The following SMYD4 variants were observed in gnomAD, a reference collection of about 807,000 sequenced individuals.
The protein encoded by SMYD4 is protein-lysine N-methyltransferase SMYD4.
SMYD4 carries 68 observed loss-of-function variants against 72.8 expected under a neutral mutation model. The ratio of observed to expected loss-of-function variants is 0.93; its 90% confidence interval spans 0.77 to 1.14. SMYD4 has a LOEUF of 1.14. Among genes scored for constraint, SMYD4 ranks in the 50% most tolerant of loss-of-function variants. SMYD4 has a pLI of 0.00. For missense variants in SMYD4, 984 were observed against 1,003.7 expected (o/e 0.98, Z 0.27); for synonymous variants, 407 against 388.6 (o/e 1.05, Z -0.56).
intron 5 of SMYD4, among the ~76,000 whole-genome samples, chr17:1,798,479 CGG>C (rs1196098193): frequency 2.6e-5 from 4 of 151,896 alleles, no homozygotes; most frequent in Middle Eastern, 3.4e-3. Flanking sequence ...CAAAAAAATT[CGG>C]GTTGAGTGCA....
intron 1 of SMYD4, chr17:1,829,420 G>A (rs965883219): frequency 6.6e-6 from 1 of 152,380 alleles, no homozygotes; most frequent in East Asian, 1.9e-4. Context: ...CCTCCTCCGG[G>A]ACGGCGTCCC....
chr17:1,803,579 A>C (rs941566053), intron 4 of SMYD4, among the ~76,000 whole-genome samples: 2 of 151,990 alleles, frequency 1.3e-5, no homozygotes, highest in African/African-American at 4.8e-5. Context: ...GACTCACTGC[A>C]ACATCTGCCT....
chr17:1,827,318 G>C (rs989733181), intron 2 of SMYD4, among the ~76,000 whole-genome samples: 1 of 149,404 alleles, frequency 6.7e-6, no homozygotes, highest in Non-Finnish European at 1.5e-5. Flanking sequence ...TAGCCTGGGT[G>C]ACAGAGCGAG....
rs1597367171 is a variant in SMYD4, at chr17:1,786,666, T to C, written c.1884+144A>G. On this transcript the variant is annotated intron_variant, in intron 7 of 10. Transcript: ENST00000305513. ...TGGTTTCTCTGGAGGGGAACTAGTG[T>C]ATGGGGATGACTGGCTAAAATGGAG... 4.1e-5 allele frequency: 36 copies of C among 879,776 alleles called. No homozygotes were observed. The East Asian group carries it at 9.3e-4, about 23-fold the overall frequency. 54.5% of individuals were successfully genotyped at this position (879,776 alleles called of 1,614,324 possible).
chr17:1,807,611 C>A (rs999091076), intron 3 of SMYD4, among the ~76,000 whole-genome samples: 1 of 151,550 alleles, frequency 6.6e-6, no homozygotes, highest in African/African-American at 2.4e-5. Context: ...GATCCACCTG[C>A]CTCAGCCTCC....
intron 1 of SMYD4, among the ~76,000 whole-genome samples, chr17:1,828,792 T>A (rs948204625): frequency 8.6e-5 from 13 of 152,046 alleles, no homozygotes; most frequent in African/African-American, 2.9e-4. Flanking sequence ...AGACGGGGTT[T>A]CACCATGTTG....
chr17:1,821,481 TCCA>T, intron 2 of SMYD4, among the ~76,000 whole-genome samples: 1 of 152,168 alleles, frequency 6.6e-6, no homozygotes, highest in African/African-American at 2.4e-5. Flanking sequence ...ACTATTGCAC[TCCA>T]GGCTGGGTGA....
intron 3 of SMYD4, 93 bp downstream of exon 3, chr17:1,811,875 TGAG>T (rs759384731): frequency 1.5e-6 from 2 of 1,346,440 alleles, no homozygotes; most frequent in Non-Finnish European, 2.0e-6. Context: ...TGCAGTGAGC[TGAG>T]ATTATACCAC....
At chr17:1,794,377 C>T (rs1247427593) in intron 5 of SMYD4, among the ~76,000 whole-genome samples, 1 of 150,962 alleles carries the variant, frequency 6.6e-6, no homozygotes, top group Admixed American at 6.6e-5. Flanking sequence ...CCTCAGCCTC[C>T]CATAGTGCTG....
chr17:1,803,937 G>A (rs1267462145), intron 4 of SMYD4, among the ~76,000 whole-genome samples: 2 of 149,830 alleles, frequency 1.3e-5, no homozygotes, highest in East Asian at 2.0e-4. Context: ...GTGCAGTGGT[G>A]CGATCTGGGC....
chr17:1,827,303 C>T (rs954089165), intron 2 of SMYD4, among the ~76,000 whole-genome samples: 1 of 150,574 alleles, frequency 6.6e-6, no homozygotes, highest in Non-Finnish European at 1.5e-5. Flanking sequence ...TGCGCCACTG[C>T]ACTCTAGCCT....
At chr17:1,786,651 G>A (rs1302172283) in intron 7 of SMYD4, among the ~76,000 whole-genome samples, 159 bp downstream of exon 7, 2 of 152,216 alleles carry the variant, frequency 1.3e-5, no homozygotes, top group African/African-American at 2.4e-5. Flanking sequence ...TGGTTTCTCT[G>A]GAGGGGAACT....
At position 1,793,864 on chromosome 17, in the gene SMYD4, A is replaced by G. The variant is rs141317935; in HGVS notation, c.1537+5993T>C. Among the ~76,000 whole-genome samples the G allele has an allele frequency of 2.9e-3, 432 of 150,174 alleles. 5 individuals are homozygous for G. The highest frequency in any genetic ancestry group is 0.01 in the African/African-American group (411 of 40,768). On this transcript the variant is annotated intron_variant, in intron 5 of 10. Coordinates refer to ENST00000305513, the MANE Select transcript of SMYD4 (RefSeq NM_052928.3). ...TGAGAGGAAGTTTCACTCGTTGCCCAGGCTGGGGTGCAGTGGTGTGATCTC... is the reference window on the plus strand; with the variant it reads ...TGAGAGGAAGTTTCACTCGTTGCCCGGGCTGGGGTGCAGTGGTGTGATCTC...
Position 1,805,906 on chromosome 17 carries a change from A to G in SMYD4, c.280-1191T>C, listed in dbSNP as rs559598926. 3.3e-5 allele frequency among the ~76,000 whole-genome samples: 5 copies of G among 151,162 alleles called. No homozygotes were observed. The East Asian group carries it at 9.7e-4, about 29-fold the overall frequency. On this transcript the variant is annotated intron_variant, in intron 3 of 10. Transcript: ENST00000305513. ...TAAAGTGATGAATCTTTCATTGGAT[A>G]AATTCCAAATACATCAAATTCTTTT...
intron 3 of SMYD4, among the ~76,000 whole-genome samples, chr17:1,805,474 G>A (rs865855471): frequency 6.6e-6 from 1 of 151,912 alleles, no homozygotes; most frequent in Admixed American, 6.6e-5. Flanking sequence ...CCATAAATAT[G>A]GTACTCAAGT....
At chr17:1,826,633 G>A (rs115532965) in intron 2 of SMYD4, among the ~76,000 whole-genome samples, 1,614 of 151,864 alleles carry the variant, frequency 0.011, 27 homozygotes, top group African/African-American at 0.035. Context: ...ATTAATATAC[G>A]AGCGCCTACT....
intron 5 of SMYD4, among the ~76,000 whole-genome samples, chr17:1,792,981 GATCTCAGCTC>G (rs1260506367): frequency 6.6e-6 from 1 of 152,002 alleles, no homozygotes; most frequent in African/African-American, 2.4e-5. Flanking sequence ...GCAATGGGGT[GATCTCAGCTC>G]ACGGCGGCCT....
intron 2 of SMYD4, among the ~76,000 whole-genome samples, chr17:1,827,226 C>G (rs1294975878): frequency 6.6e-6 from 1 of 151,014 alleles, no homozygotes; most frequent in Non-Finnish European, 1.5e-5. Context: ...ACTGTAATCC[C>G]AAATACTCGG....
chr17:1,783,459 G>GC lies in SMYD4; in HGVS notation c.2037dup (p.Leu680AlafsTer7). 1 of 1,610,740 alleles carries GC rather than the reference G, an allele frequency of 6.2e-7. No individual in the cohort carries two copies. Among genetic ancestry groups the GC allele is most frequent in the Non-Finnish European group, 8.5e-7 (1 of 1,178,926 alleles). On this transcript the variant is annotated frameshift_variant, in exon 9 of 11. Transcript: ENST00000305513. LOFTEE classifies it high-confidence loss of function. ...TCGGCGTCACGCTGGCACCCCGACA[G>GC]CCGCTGAACAGCTCGCTCTGTCAAT... is the stretch of plus-strand genomic sequence containing the variant.
Sources: allele counts gnomAD v4.1 joint callset (sites outside exome capture counted in the v4.1 genomes callset), GRCh38; gene constraint gnomAD v4.1.1; transcripts MANE v1.5; gene names NCBI Gene and HGNC (gene_info 2026-07-23, HGNC 2026-07-21).